The following CSRNP2 variants were observed in gnomAD, a reference collection of about 807,000 sequenced individuals.
The protein encoded by CSRNP2 is cysteine/serine-rich nuclear protein 2.
A neutral mutation model predicts 36.6 loss-of-function variants in CSRNP2; 11 were observed. That is an observed-to-expected ratio of 0.30 (90% CI 0.19 to 0.50). The LOEUF is 0.50. Ranked by LOEUF, CSRNP2 falls within the 20% of genes least tolerant of loss-of-function variation. The pLI, the probability that CSRNP2 is intolerant of heterozygous loss-of-function variation, is 0.98. For synonymous variants in CSRNP2, 248 were observed against 275.3 expected, an observed-to-expected ratio of 0.90 and a Z score of 0.98; for missense variants, 483 against 691.4, an observed-to-expected ratio of 0.70 and a Z score of 3.38.
At chr12:51,079,402 C>A (rs916426670) in intron 1 of CSRNP2, among the ~76,000 whole-genome samples, 1 of 151,434 alleles carries the variant, frequency 6.6e-6, no homozygotes, top group Non-Finnish European at 1.5e-5. Context: ...TTTCTCATTC[C>A]ATTCTATTGT....
At chr12:51,081,960 C>T (rs190760119) in intron 1 of CSRNP2, among the ~76,000 whole-genome samples, 6 of 152,272 alleles carry the variant, frequency 3.9e-5, no homozygotes, top group Non-Finnish European at 7.4e-5. Context: ...TAAATGAGTC[C>T]AAAGTAATAA....
chr12:51,066,442 A>C (rs1938315765), intron 4 of CSRNP2, among the ~76,000 whole-genome samples: 1 of 146,074 alleles, frequency 6.8e-6, no homozygotes, highest in Non-Finnish European at 1.5e-5. Flanking sequence ...CAACAGAGCA[A>C]GACTCCGTCT....
chr12:51,072,467 G>A (rs1939206578), intron 3 of CSRNP2, among the ~76,000 whole-genome samples: 1 of 149,336 alleles, frequency 6.7e-6, no homozygotes, highest in Non-Finnish European at 1.5e-5. Flanking sequence ...GGAGGCTGAG[G>A]CAGGAGAATG....
At chr12:51,066,640 CAA>C (rs11432305) in intron 4 of CSRNP2, among the ~76,000 whole-genome samples, 1 of 145,348 alleles carries the variant, frequency 6.9e-6, no homozygotes, top group Non-Finnish European at 1.5e-5. Flanking sequence ...GACTCCGTCT[CAA>C]AAAAAAAAAA....
Position 51,063,934 on chromosome 12 carries a change from C to G in CSRNP2, c.1444G>C (p.Glu482Gln). The G allele has an allele frequency of 6.2e-7, 1 of 1,613,500 alleles. No individual in the cohort carries two copies. Among genetic ancestry groups the G allele is most frequent in the Non-Finnish European group, 8.5e-7 (1 of 1,179,524 alleles). ...KSEVGKTPTL[E>Q]ALLPEDCNPE... ...TTACAATCTTCGGGCAATAGAGCTT[C>G]TAGGGTGGGTGTTTTCCCCACCTCT... Residue 482 changes from glutamate to glutamine, a missense_variant, in exon 5 of 5, where the codon GAA becomes CAA. Glu to Gln is a conservative substitution (Grantham distance 29). Coordinates refer to ENST00000228515, the MANE Select transcript of CSRNP2 (RefSeq NM_030809.3).
rs1004170859 is a variant in CSRNP2, at chr12:51,063,605, T to C, written c.*141A>G. The C allele has an allele frequency of 1.5e-6, 1 of 653,438 alleles. No homozygotes were observed. Among genetic ancestry groups the C allele is most frequent in the East Asian group, 2.8e-5 (1 of 35,736 alleles). 40.5% of individuals were successfully genotyped at this position (653,438 alleles called of 1,614,324 possible). A position where few individuals can be genotyped will look rare whatever the true frequency, so the allele number is the denominator to read the frequency against. On this transcript the variant is annotated 3_prime_UTR_variant, in exon 5 of 5. Transcript: ENST00000228515. ...TCCCTTTTAAAAAATACTCAAACAA[T>C]CCTTTCCCACCCATTCCCCAAAGAC...
At chr12:51,072,640 T>C (rs1304595658) in intron 3 of CSRNP2, among the ~76,000 whole-genome samples, 58 of 26,790 alleles carry the variant, frequency 2.2e-3, no homozygotes, top group African/African-American at 4.8e-3. Flanking sequence ...CCAGCCTCTC[T>C]CTCTCGAAGA....
chr12:51,070,057 G>A (rs1252686989), intron 3 of CSRNP2, among the ~76,000 whole-genome samples: 1 of 152,070 alleles, frequency 6.6e-6, no homozygotes, highest in East Asian at 1.9e-4. Flanking sequence ...TGGAAGGACA[G>A]ATTGAAGACA....
intron 1 of CSRNP2, among the ~76,000 whole-genome samples, chr12:51,078,949 A>T (rs551374103): frequency 7.9e-5 from 12 of 152,340 alleles, no homozygotes; most frequent in African/African-American, 2.4e-4. Context: ...CACTATTCAC[A>T]ATAGCAAAGA....
intron 4 of CSRNP2, among the ~76,000 whole-genome samples, chr12:51,065,960 A>G (rs1938185363): frequency 6.6e-6 from 1 of 152,184 alleles, no homozygotes; most frequent in South Asian, 2.1e-4. Context: ...TTCCAGATAA[A>G]TTTCATTCTT....
chr12:51,078,017 C>G (rs138452002), intron 1 of CSRNP2, among the ~76,000 whole-genome samples: 6 of 152,234 alleles, frequency 3.9e-5, no homozygotes. Context: ...TGATGAGACA[C>G]GAACCCTCCC....
chr12:51,073,250 T>C (rs896660741), intron 3 of CSRNP2, among the ~76,000 whole-genome samples: 3 of 143,554 alleles, frequency 2.1e-5, no homozygotes, highest in African/African-American at 5.0e-5. Context: ...CATACATACA[T>C]ACATAAAATT....
rs967898239 is a variant in CSRNP2 at position 51,065,211 on chromosome 12, G to T, written c.709-542C>A. Among the ~76,000 whole-genome samples, 11 of 152,174 alleles carry T rather than the reference G, an allele frequency of 7.2e-5. 1 individual carries two copies. Among genetic ancestry groups the T allele is most frequent in the Non-Finnish European group, 1.3e-4 (9 of 68,048 alleles). The stretch of plus-strand genomic sequence containing the variant: ...TGTGCCTTAGTTTGCTAAGGTGCTA[G>T]AACGCAGGTTCACACAGTGGCCAAT... On this transcript the variant is annotated intron_variant, in intron 4 of 4. Transcript: ENST00000228515.
At chr12:51,069,947 G>C (rs944125797) in intron 3 of CSRNP2, among the ~76,000 whole-genome samples, 1 of 151,754 alleles carries the variant, frequency 6.6e-6, no homozygotes, top group Non-Finnish European at 1.5e-5. Context: ...TGATCCGCCC[G>C]CCTCAGCCTC....
intron 1 of CSRNP2, among the ~76,000 whole-genome samples, chr12:51,081,191 G>C (rs1384305425): frequency 6.6e-6 from 1 of 152,170 alleles, no homozygotes; most frequent in Non-Finnish European, 1.5e-5. Context: ...GGGAGGCTAA[G>C]GCGGGAGGAT....
chr12:51,069,841 T>C (rs577438461), intron 3 of CSRNP2, among the ~76,000 whole-genome samples: 1 of 151,402 alleles, frequency 6.6e-6, no homozygotes, highest in Non-Finnish European at 1.5e-5. Flanking sequence ...TACAGGCGCC[T>C]GCCACCACGC....
At chr12:51,079,769 CAAAAAAAAAAAA>C (rs35767986) in intron 1 of CSRNP2, among the ~76,000 whole-genome samples, 2 of 35,012 alleles carry the variant, frequency 5.7e-5, no homozygotes, top group Non-Finnish European at 9.3e-5. Flanking sequence ...GAGACCTTGT[CAAAAAAAAAAAA>C]AAAAAAAAAA....
chr12:51,066,866 G>A (rs546138258), intron 4 of CSRNP2, among the ~76,000 whole-genome samples: 27 of 151,884 alleles, frequency 1.8e-4, no homozygotes, highest in East Asian at 9.7e-4. Flanking sequence ...TTGCTCTGTC[G>A]CCCGGGCTGG....
rs771086287 is a variant in CSRNP2 at position 51,067,622 on chromosome 12, A to C, written c.708+51T>G. Reference sequence around the variant, plus strand: ...CCATGTTCAGTGGCACCCACACCTCACCCCGCTGACCCTGGTGTAGATATA... The same window carrying C: ...CCATGTTCAGTGGCACCCACACCTCCCCCCGCTGACCCTGGTGTAGATATA... On this transcript the variant is annotated intron_variant, in intron 4 of 4. Transcript: ENST00000228515. This position sits in a 1 kb window ranked among gnomAD's most constrained non-coding sequence, Gnocchi z 4.1. The C allele has an allele frequency of 2.6e-6, 4 of 1,563,014 alleles. No homozygotes were observed. In the Admixed American group the frequency reaches 6.8e-5, roughly 27 times the overall value.
Sources: gnomAD v4.1 joint callset for allele counts (sites outside exome capture counted in the v4.1 genomes callset) on GRCh38, gnomAD v4.1.1 for gene constraint, Gnocchi (gnomAD v3.1) non-coding constraint, MANE v1.5 for transcripts, NCBI Gene and HGNC (gene_info 2026-07-23, HGNC 2026-07-21) for gene names.